GRM3: variants seen among roughly 807,000 people sequenced by gnomAD.
The protein encoded by GRM3 is glutamate metabotropic receptor 3.
GRM3 carries 26 observed loss-of-function variants against 70.5 expected under a neutral mutation model. The ratio of observed to expected loss-of-function variants is 0.37; its 90% CI spans 0.27 to 0.51. GRM3 has a LOEUF of 0.51. Among genes scored for constraint, GRM3 ranks in the 20% least tolerant of loss-of-function variants. GRM3 has a pLI of 0.93. For synonymous variants in GRM3, 443 were observed against 434.9 expected (o/e 1.02, Z -0.23); for missense variants, 859 against 1,123.8 (o/e 0.76, Z 3.37).
intron 3 of GRM3, among the ~76,000 whole-genome samples, chr7:86,828,067 G>C (rs1458189462): frequency 1.4e-5 from 2 of 140,636 alleles, no homozygotes; most frequent in African/African-American, 2.7e-5. Context: ...AGCCGAGATC[G>C]TGCCACTGCA....
rs117117821 is a variant in GRM3, at chr7:86,727,749, G to C, written c.-140-37257G>C. The stretch of plus-strand genomic sequence containing the variant: ...TGTTTTTCAGTCCCCATATGTATGA[G>C]TGTAAATGTGTATGATCTAAACCAG... On this transcript the variant is annotated intron_variant, in intron 1 of 5. Coordinates refer to ENST00000361669, the MANE Select transcript of GRM3 (RefSeq NM_000840.3). Among the ~76,000 whole-genome samples the C allele has an allele frequency of 3.3e-5, 5 of 152,272 alleles. No individual in the cohort carries two copies. The East Asian group carries it at 9.7e-4, about 29-fold the overall frequency.
At chr7:86,735,655 A>G (rs1336799082) in intron 1 of GRM3, among the ~76,000 whole-genome samples, 1 of 152,198 alleles carries the variant, frequency 6.6e-6, no homozygotes, top group Non-Finnish European at 1.5e-5. Context: ...AAACCATGTC[A>G]AGGAGCTACT....
At position 86,644,841 on chromosome 7, in the gene GRM3, C is replaced by G; in HGVS notation, c.-172C>G. 7.8e-7 allele frequency: 1 copy of G among 1,289,580 alleles called. No individual in the cohort carries two copies. Among genetic ancestry groups the G allele is most frequent in the Middle Eastern group, 2.1e-4 (1 of 4,668 alleles). 79.9% of individuals were successfully genotyped at this position (1,289,580 alleles called of 1,614,324 possible). A position where few individuals can be genotyped will look rare whatever the true frequency, so the allele number is the denominator to read the frequency against. On this transcript the variant is annotated 5_prime_UTR_variant, in exon 1 of 6. Transcript: ENST00000361669. ...CCGCCGCCGCTGCCACCGCGGTCAG[C>G]TCCAGTTCCTGCCAGGAGTTGTCGG...
At chr7:86,761,158 AAAG>A (rs1796470322) in intron 1 of GRM3, among the ~76,000 whole-genome samples, 2 of 152,162 alleles carry the variant, frequency 1.3e-5, no homozygotes, top group East Asian at 3.8e-4. Context: ...GTTTACAACT[AAAG>A]TATATATCCT....
intron 3 of GRM3, among the ~76,000 whole-genome samples, chr7:86,805,064 T>A (rs1227154625): frequency 1.3e-5 from 2 of 152,040 alleles, no homozygotes; most frequent in East Asian, 3.9e-4. Flanking sequence ...CAATCAGCCA[T>A]GATCACACCA....
intron 1 of GRM3, among the ~76,000 whole-genome samples, chr7:86,655,918 T>TTTCCTC (rs1474590641): frequency 6.6e-6 from 1 of 151,740 alleles, no homozygotes; most frequent in Non-Finnish European, 1.5e-5. Flanking sequence ...CTCACCTCAG[T>TTTCCTC]TTCCTCGACA....
chr7:86,669,132 C>T (rs1431375970), intron 1 of GRM3, among the ~76,000 whole-genome samples: 1 of 152,124 alleles, frequency 6.6e-6, no homozygotes, highest in Non-Finnish European at 1.5e-5. Context: ...GTAATCAAAT[C>T]GAAGCCCAAA....
At chr7:86,843,044 G>C (rs555909011) in intron 4 of GRM3, among the ~76,000 whole-genome samples, 1 of 152,230 alleles carries the variant, frequency 6.6e-6, no homozygotes, top group East Asian at 1.9e-4. Flanking sequence ...CGGGGGCAGG[G>C]CTGGTTCATT....
chr7:86,677,934 C>T (rs1436542468), intron 1 of GRM3, among the ~76,000 whole-genome samples: 1 of 151,430 alleles, frequency 6.6e-6, no homozygotes, highest in Non-Finnish European at 1.5e-5. Flanking sequence ...CTTGTAACAG[C>T]AAAAAAATTA....
chr7:86,661,302 AATATCT>A (rs1253816612), intron 1 of GRM3, among the ~76,000 whole-genome samples: 1 of 151,992 alleles, frequency 6.6e-6, no homozygotes, highest in Non-Finnish European at 1.5e-5. Flanking sequence ...TAGGCTACTT[AATATCT>A]TCACACATGT....
chr7:86,648,905 G>C (rs1793542426), intron 1 of GRM3, among the ~76,000 whole-genome samples: 2 of 152,052 alleles, frequency 1.3e-5, no homozygotes, highest in African/African-American at 4.8e-5. Context: ...AGACAGTAGA[G>C]GAGTAAATGA....
At chr7:86,718,490 T>C (rs1795376132) in intron 1 of GRM3, among the ~76,000 whole-genome samples, 2 of 152,016 alleles carry the variant, frequency 1.3e-5, no homozygotes, top group Admixed American at 6.6e-5. Flanking sequence ...CAGACATCAT[T>C]TCTGCTAGAA....
intron 1 of GRM3, among the ~76,000 whole-genome samples, chr7:86,703,151 A>G (rs989716432): frequency 2.0e-5 from 3 of 151,952 alleles, no homozygotes; most frequent in African/African-American, 7.2e-5. Flanking sequence ...CTAGAATATG[A>G]ACATTTCTTA....
intron 2 of GRM3, chr7:86,775,885 T>A (rs1796873663): frequency 6.6e-6 from 1 of 152,114 alleles, no homozygotes; most frequent in Non-Finnish European, 1.5e-5. Context: ...TGATGAATCA[T>A]CTGAGTGTAA....
rs192653513 is a variant in GRM3 at position 86,751,174 on chromosome 7, G to A, written c.-140-13832G>A. On this transcript the variant is annotated intron_variant, in intron 1 of 5. Coordinates refer to ENST00000361669, the MANE Select transcript of GRM3 (RefSeq NM_000840.3). ...CATCTGGAAAGAGCAGTAGTAATCC[G>A]AAGCTCTTAAGCTCTGCCATGCAGT... Among the ~76,000 whole-genome samples, 304 of 152,128 alleles carry A rather than the reference G, an allele frequency of 2.0e-3. 2 individuals are homozygous for A. Among genetic ancestry groups the A allele is most frequent in the African/African-American group, 6.4e-3 (266 of 41,526 alleles).
At chr7:86,823,611 G>T (rs887937609) in intron 3 of GRM3, among the ~76,000 whole-genome samples, 4 of 132,714 alleles carry the variant, frequency 3.0e-5, no homozygotes, top group East Asian at 2.2e-4. Context: ...TTTTTGGCGG[G>T]GGGGGATTAG....
chr7:86,810,415 G>GA (rs201953519), intron 3 of GRM3, among the ~76,000 whole-genome samples: 40 of 151,660 alleles, frequency 2.6e-4, no homozygotes, highest in Middle Eastern at 3.4e-3. Context: ...CTTTTATTCT[G>GA]AAAAAAAATG....
chr7:86,693,898 G>A (rs1794751578), intron 1 of GRM3, among the ~76,000 whole-genome samples: 1 of 152,106 alleles, frequency 6.6e-6, no homozygotes, highest in Non-Finnish European at 1.5e-5. Context: ...TTTAATAACT[G>A]CATTGCCTAT....
intron 2 of GRM3, among the ~76,000 whole-genome samples, chr7:86,774,557 G>T (rs530645767): frequency 3.3e-5 from 5 of 151,996 alleles, no homozygotes; most frequent in Non-Finnish European, 7.4e-5. Context: ...TGCAATACAG[G>T]GGAGAATTCA....
Sources: allele counts gnomAD v4.1 joint callset (sites outside exome capture counted in the v4.1 genomes callset), GRCh38; gene constraint gnomAD v4.1.1; transcripts MANE v1.5; gene names NCBI Gene and HGNC (gene_info 2026-07-23, HGNC 2026-07-21).